Variants in DCC observed in about 807,000 individuals in gnomAD.
DCC encodes the protein DCC netrin 1 receptor, also known as netrin receptor DCC.
A neutral mutation model predicts 172.5 loss-of-function variants in DCC; 58 were observed. The ratio of observed to expected loss-of-function variants is 0.34; its 90% CI spans 0.27 to 0.42. The LOEUF (loss-of-function observed/expected upper bound fraction) is 0.42. Ranked by LOEUF, DCC falls within the 10% of genes least tolerant of loss-of-function variation. The pLI, the probability that DCC is intolerant of heterozygous loss-of-function variation, is 1.00. For synonymous variants in DCC, 709 were observed against 644.5 expected (o/e 1.10, Z -1.52); for missense variants, 1,740 against 1,791.0 (o/e 0.97, Z 0.51).
intron 5 of DCC, among the ~76,000 whole-genome samples, chr18:52,979,623 G>A (rs1019120593): frequency 2.6e-5 from 4 of 152,096 alleles, no homozygotes; most frequent in African/African-American, 9.7e-5. Flanking sequence ...CTCAGTCAAA[G>A]AATAGCAAAT....
intron 2 of DCC, among the ~76,000 whole-genome samples, chr18:52,890,869 C>A (rs567770118): frequency 2.6e-4 from 40 of 152,112 alleles, no homozygotes; most frequent in African/African-American, 9.6e-4. Flanking sequence ...TGATTCAAAG[C>A]AAAGTCATAG....
intron 12 of DCC, among the ~76,000 whole-genome samples, chr18:53,286,969 TC>T (rs2056942776): frequency 6.6e-6 from 1 of 152,098 alleles, no homozygotes; most frequent in Non-Finnish European, 1.5e-5. Context: ...ATTATACTAT[TC>T]TTTTTTTTTT....
chr18:53,276,727 G>T (rs2056810305), intron 12 of DCC, among the ~76,000 whole-genome samples: 1 of 152,102 alleles, frequency 6.6e-6, no homozygotes, highest in South Asian at 2.1e-4. Context: ...AAAGGAGCTT[G>T]GGAGAAGAAA....
intron 1 of DCC, among the ~76,000 whole-genome samples, chr18:52,370,999 G>A (rs1985096925): frequency 6.6e-6 from 1 of 152,194 alleles, no homozygotes; most frequent in South Asian, 2.1e-4. Flanking sequence ...TTGGTGGAAA[G>A]CGGGAGTTCA....
chr18:52,621,886 C>A (rs1252927283), intron 1 of DCC, among the ~76,000 whole-genome samples: 1 of 152,170 alleles, frequency 6.6e-6, no homozygotes, highest in African/African-American at 2.4e-5. Flanking sequence ...AGGGGAAAAG[C>A]AGCTCATCCA....
chr18:53,116,314 C>A (rs1301037174), intron 7 of DCC, among the ~76,000 whole-genome samples: 2 of 151,776 alleles, frequency 1.3e-5, no homozygotes, highest in East Asian at 2.0e-4. Flanking sequence ...AGTTTAAATA[C>A]CCCCTAGAGG....
intron 27 of DCC, among the ~76,000 whole-genome samples, chr18:53,517,437 TTAAAATATAATAATAA>T (rs2046347721): frequency 1.5e-5 from 2 of 131,884 alleles, no homozygotes; most frequent in South Asian, 2.3e-4. Context: ...ACCCTAAAAC[TTAAAATATAATAATAA>T]TAATAATAAT....
intron 2 of DCC, among the ~76,000 whole-genome samples, chr18:52,813,455 A>G (rs187709864): frequency 1.7e-4 from 26 of 152,328 alleles, no homozygotes; most frequent in Admixed American, 9.1e-4. Flanking sequence ...TGGATTATCA[A>G]CTGTCACAAA....
At chr18:53,122,255 G>A (rs542737379) in intron 7 of DCC, among the ~76,000 whole-genome samples, 1 of 152,034 alleles carries the variant, frequency 6.6e-6, no homozygotes, top group South Asian at 2.1e-4. Context: ...TAATTTTACT[G>A]TAATAGATAT....
At chr18:53,107,366 A>G (rs566079523) in intron 7 of DCC, among the ~76,000 whole-genome samples, 30 of 151,880 alleles carry the variant, frequency 2.0e-4, no homozygotes, top group Middle Eastern at 3.4e-3. Context: ...ACTGTCTTTT[A>G]TGTTCTTAAA....
intron 25 of DCC, among the ~76,000 whole-genome samples, chr18:53,471,244 A>G (rs1265076293): frequency 2.0e-5 from 3 of 152,214 alleles, no homozygotes; most frequent in Non-Finnish European, 4.4e-5. Flanking sequence ...GCAATATGTA[A>G]TAATCACATC....
intron 9 of DCC, among the ~76,000 whole-genome samples, chr18:53,191,107 G>A (rs150546144): frequency 0.022 from 3,355 of 152,088 alleles, 41 homozygotes; most frequent in Middle Eastern, 0.027. Flanking sequence ...TGAATTTCTT[G>A]ATTCAAAGCC....
intron 25 of DCC, among the ~76,000 whole-genome samples, chr18:53,477,776 A>T (rs1479675878): frequency 4.6e-5 from 7 of 152,156 alleles, no homozygotes; most frequent in Admixed American, 1.3e-4. Context: ...ATTATATGGC[A>T]TATGCTACTC....
At chr18:53,162,252 T>C (rs2054853060) in intron 8 of DCC, among the ~76,000 whole-genome samples, 1 of 148,424 alleles carries the variant, frequency 6.7e-6, no homozygotes, top group African/African-American at 2.5e-5. Context: ...TGAGCCGAGA[T>C]CGTGCTACTG....
intron 1 of DCC, among the ~76,000 whole-genome samples, chr18:52,357,970 A>G (rs1277922970): frequency 6.6e-6 from 1 of 151,088 alleles, no homozygotes; most frequent in African/African-American, 2.4e-5. Flanking sequence ...GACAAACACT[A>G]CCTCAGCCAG....
intron 1 of DCC, among the ~76,000 whole-genome samples, chr18:52,500,405 A>T (rs1037539009): frequency 6.6e-5 from 10 of 152,082 alleles, no homozygotes; most frequent in Admixed American, 3.9e-4. Context: ...TATTTCATTG[A>T]CTCTGGACTT....
chr18:53,351,466 G>GTGTATATATATATATACACAGTGTA (rs1568075540), intron 15 of DCC, among the ~76,000 whole-genome samples: 1 of 37,308 alleles, frequency 2.7e-5, no homozygotes, highest in Non-Finnish European at 4.9e-5. Flanking sequence ...TACACAGTGT[G>GTGTATATATATATATACACAGTGTA]TATATATATA....
Position 53,534,347 on chromosome 18 carries a change from G to T in DCC, c.*3694G>T, listed in dbSNP as rs1213250856. On this transcript the variant is annotated 3_prime_UTR_variant, in exon 29 of 29. Coordinates refer to ENST00000442544, the MANE Select transcript of DCC (RefSeq NM_005215.4). The stretch of plus-strand genomic sequence containing the variant: ...AACTTTAAAATAGATGCAGAGCAGG[G>T]TTACTTTCCCTTTCACTCAGTTCCC... The T allele has an allele frequency of 6.6e-6, 1 of 152,198 alleles. No individual in the cohort carries two copies. Among genetic ancestry groups the T allele is most frequent in the African/African-American group, 2.4e-5 (1 of 41,456 alleles). 9.4% of individuals were successfully genotyped at this position (152,198 alleles called of 1,614,324 possible). A position where few individuals can be genotyped will look rare whatever the true frequency, so the allele number is the denominator to read the frequency against.
At chr18:53,526,287 G>A (rs1057503902) in intron 27 of DCC, among the ~76,000 whole-genome samples, 3 of 152,076 alleles carry the variant, frequency 2.0e-5, no homozygotes, top group Non-Finnish European at 2.9e-5. Context: ...GCCCTAAGCC[G>A]AGACTGGCAC....
Sources: gnomAD v4.1 joint callset for allele counts (sites outside exome capture counted in the v4.1 genomes callset) on GRCh38, gnomAD v4.1.1 for gene constraint, MANE v1.5 for transcripts, NCBI Gene and HGNC (gene_info 2026-07-23, HGNC 2026-07-21) for gene names.